Variants in CELF6 observed in about 807,000 individuals in gnomAD.
The protein encoded by CELF6 is Bruno -like 6, RNA binding protein.
A neutral mutation model predicts 53.1 loss-of-function variants in CELF6; 32 were observed. That is an observed-to-expected ratio of 0.60 (90% CI 0.46 to 0.81). CELF6 has a LOEUF of 0.81. Ranked by LOEUF, CELF6 falls within the 30% of genes least tolerant of loss-of-function variation. The probability of loss-of-function intolerance (pLI) is 0.00; values close to 1 mark genes in which losing one functional copy is unlikely to be tolerated. For synonymous variants in CELF6, 291 were observed against 288.8 expected (o/e 1.01, Z -0.08); for missense variants, 539 against 669.5 (o/e 0.81, Z 2.15).
rs1228288834 is a variant in CELF6, at chr15:72,290,242, C to T, written c.408G>A (p.Leu136=). ...ASEGRGEDRK[L]FVGMLGKQQG... Reference sequence around the variant, plus strand: ...GCTGCTTGCCCAGCATCCCCACAAACAGCTTTCGGTCCTCTGGGGACAAAG... The same window carrying T: ...GCTGCTTGCCCAGCATCCCCACAAATAGCTTTCGGTCCTCTGGGGACAAAG... The change falls in exon 4 of 13, where the codon CTG becomes CTA. Residue 136 remains leucine (L), a synonymous_variant. Coordinates refer to ENST00000287202, the MANE Select transcript of CELF6 (RefSeq NM_052840.5). 4 of 1,613,332 alleles carry T rather than the reference C, an allele frequency of 2.5e-6. No individual in the cohort carries two copies. The South Asian group carries it at 3.3e-5, about 13-fold the overall frequency.
chr15:72,289,280 G>A lies in CELF6; in HGVS notation c.888C>T (p.Asn296=), dbSNP rs1193986297. Reference sequence around the variant, plus strand: ...TGCCAGGGCCGCTGCCAGGCGGGGAGTTGGCTGCTGATGGCGGAAAAGGTC... The same window carrying A: ...TGCCAGGGCCGCTGCCAGGCGGGGAATTGGCTGCTGATGGCGGAAAAGGTC... ...AAPLLPAAAA[N]SPPGSGPGTL... is the part of the protein sequence containing the mutation. Residue 296 remains asparagine (N), a synonymous_variant, in exon 8 of 13, where the codon AAC becomes AAT. Coordinates refer to ENST00000287202, the MANE Select transcript of CELF6 (RefSeq NM_052840.5). This position sits in a 1 kb window ranked among gnomAD's most constrained non-coding sequence, Gnocchi z 7.6. 9 of 1,572,700 alleles carry A rather than the reference G, an allele frequency of 5.7e-6. No homozygotes were observed. Among genetic ancestry groups the A allele is most frequent in the Non-Finnish European group, 7.7e-6 (9 of 1,164,636 alleles).
Position 72,288,297 on chromosome 15 carries a change from T to A in CELF6, c.1318+11A>T, listed in dbSNP as rs1309412070. ...AGGTGGGAGAGGCCTAGGGGTAGGT[T>A]CTCAGCTCACCAAAACACTTGCTCT... On this transcript the variant is annotated intron_variant, in intron 11 of 12. Coordinates refer to ENST00000287202, the MANE Select transcript of CELF6 (RefSeq NM_052840.5). This position sits in a 1 kb window ranked among gnomAD's most constrained non-coding sequence, Gnocchi z 4.6. 2 of 1,614,062 alleles carry A rather than the reference T, an allele frequency of 1.2e-6. No homozygotes were observed. Among genetic ancestry groups the A allele is most frequent in the Non-Finnish European group, 1.7e-6 (2 of 1,179,998 alleles).
chr15:72,289,970 A>G lies in CELF6; in HGVS notation c.572T>C (p.Ile191Thr). 1 of 1,584,490 alleles carries G rather than the reference A, an allele frequency of 6.3e-7. No homozygotes were observed. Residue 191 changes from isoleucine to threonine, a missense_variant, in exon 5 of 13, where the codon ATC becomes ACC. By Grantham distance (89) the Ile-to-Thr change is moderately conservative. This residue lies in a region of CELF6 where 358 missense variants were observed against 412.8 expected (regional missense o/e 0.87). Transcript: ENST00000287202. This position sits in a 1 kb window ranked among gnomAD's most constrained non-coding sequence, Gnocchi z 7.6. ...GGTCCGGCTGCCGTGCAGACCCCGGATGGCCGCCTGAGCTTCCCCTTGACT... is the reference window on the plus strand; with the variant it reads ...GGTCCGGCTGCCGTGCAGACCCCGGGTGGCCGCCTGAGCTTCCCCTTGACT... ...FGSQGEAQAA[I>T]RGLHGSRTMA...
chr15:72,290,191 C>A lies in CELF6; in HGVS notation c.459G>T (p.Leu153=). 6.2e-7 allele frequency: 1 copy of A among 1,613,972 alleles called. No homozygotes were observed. Among genetic ancestry groups the A allele is most frequent in the Non-Finnish European group, 8.5e-7 (1 of 1,179,982 alleles). The part of the protein sequence containing the change: ...KQQGEEDVRR[L]FQPFGHIEEC... ...CCTCGATGTGGCCAAAGGGCTGGAA[C>A]AGGCGTCTGACGTCCTCCTCACCCT... The change falls in exon 4 of 13, where the codon CTG becomes CTT. Residue 153 remains leucine, a synonymous_variant. Transcript: ENST00000287202.
rs372986512 is a variant in CELF6 at position 72,291,416 on chromosome 15, GAGA to G, written c.395-1164_395-1162del. 3.9e-3 allele frequency among the ~76,000 whole-genome samples: 594 copies of G among 152,328 alleles called. 4 individuals carry two copies. The highest frequency in any genetic ancestry group is 5.9e-3 in the Non-Finnish European group (402 of 68,022). ...ATGTAGGGGACAATACAAGTTGGGA[GAGA>G]AGGAGTGGGTAGGAAACTGGTTTCA... On this transcript the variant is annotated intron_variant, in intron 3 of 12. Transcript: ENST00000287202.
At chr15:72,293,893 C>T (rs188057481) in intron 3 of CELF6, among the ~76,000 whole-genome samples, 37 of 152,142 alleles carry the variant, frequency 2.4e-4, no homozygotes, top group Non-Finnish European at 5.0e-4. Flanking sequence ...AGGGTTTCAC[C>T]GTGTTGGCCA....
chr15:72,317,074 G>C (rs2088372382), intron 1 of CELF6, among the ~76,000 whole-genome samples: 1 of 152,212 alleles, frequency 6.6e-6, no homozygotes, highest in Middle Eastern at 3.2e-3. Context: ...AAATGGATAG[G>C]TTAGTGTGGC....
At chr15:72,292,490 G>A (rs1302407805) in intron 3 of CELF6, among the ~76,000 whole-genome samples, 1 of 152,224 alleles carries the variant, frequency 6.6e-6, no homozygotes, top group Non-Finnish European at 1.5e-5. Flanking sequence ...TAGTGGAGCT[G>A]TGTCATTGGG....
chr15:72,312,241 G>C (rs2912222), intron 2 of CELF6, among the ~76,000 whole-genome samples: 4 of 152,212 alleles, frequency 2.6e-5, no homozygotes, highest in African/African-American at 9.6e-5. Flanking sequence ...AGGAGTTCTC[G>C]AATAGGGAGG....
chr15:72,290,918 G>A (rs1289893959), intron 3 of CELF6, among the ~76,000 whole-genome samples: 2 of 152,074 alleles, frequency 1.3e-5, no homozygotes, highest in Non-Finnish European at 2.9e-5. Context: ...TTGGTTTCCT[G>A]AGCCTCCAAC....
chr15:72,287,968 G>T (rs2087944265), intron 11 of CELF6, among the ~76,000 whole-genome samples: 1 of 152,060 alleles, frequency 6.6e-6, no homozygotes, highest in Non-Finnish European at 1.5e-5. Context: ...CTCCTGAGTA[G>T]CTGGGATTAC....
At chr15:72,296,634 G>A (rs1196819368) in intron 3 of CELF6, among the ~76,000 whole-genome samples, 1 of 152,196 alleles carries the variant, frequency 6.6e-6, no homozygotes, top group African/African-American at 2.4e-5. Flanking sequence ...AATGGGCAAA[G>A]GATTTGTATA....
intron 3 of CELF6, among the ~76,000 whole-genome samples, chr15:72,304,089 T>C (rs2088193153): frequency 6.6e-6 from 1 of 152,094 alleles, no homozygotes; most frequent in Non-Finnish European, 1.5e-5. Flanking sequence ...CAGGCTGGTC[T>C]CGAACTCTTG....
Position 72,319,841 on chromosome 15 carries a change from C to A in CELF6, c.34G>T (p.Ala12Ser). The change falls in exon 1 of 13, where the codon GCT becomes TCT. Residue 12 changes from alanine (A) to serine (S), a missense_variant. By Grantham distance (99) the Ala-to-Ser change is moderately conservative. Transcript: ENST00000287202. This position sits in a 1 kb window ranked among gnomAD's most constrained non-coding sequence, Gnocchi z 5.0. ...AAAPGGSAQP[A>S]GPGPRLGFST... ...AAACCCAGGCGCGGGCCGGGGCCAG[C>A]GGGCTGCGCTGACCCTCCCGGCGCC... 6.5e-7 allele frequency: 1 copy of A among 1,542,518 alleles called. No individual in the cohort carries two copies. The highest frequency in any genetic ancestry group is 8.8e-7 in the Non-Finnish European group (1 of 1,142,836).
intron 2 of CELF6, among the ~76,000 whole-genome samples, chr15:72,312,931 G>A (rs1342728043): frequency 6.6e-6 from 1 of 152,210 alleles, no homozygotes. Context: ...CATTGCTGGG[G>A]CTGGCCAACA....
Position 72,319,761 on chromosome 15 carries a change from T to C in CELF6, c.114A>G (p.Val38=). ...GMSGLNPGPA[V]PMKDHDAIKL... is the part of the protein sequence containing the mutation. The stretch of plus-strand genomic sequence containing the variant: ...TGATGGCGTCGTGGTCCTTCATGGG[T>C]ACGGCGGGACCGGGGTTTAGCCCGC... The change falls in exon 1 of 13, where the codon GTA becomes GTG. Residue 38 remains valine, a synonymous_variant. Coordinates refer to ENST00000287202, the MANE Select transcript of CELF6 (RefSeq NM_052840.5). This position sits in a 1 kb window ranked among gnomAD's most constrained non-coding sequence, Gnocchi z 5.0. 1 of 1,591,438 alleles carries C rather than the reference T, an allele frequency of 6.3e-7. No individual in the cohort carries two copies. Among genetic ancestry groups the C allele is most frequent in the Non-Finnish European group, 8.6e-7 (1 of 1,168,158 alleles).
intron 3 of CELF6, among the ~76,000 whole-genome samples, chr15:72,291,178 C>T (rs1034359432): frequency 4.6e-5 from 7 of 152,130 alleles, no homozygotes; most frequent in Admixed American, 3.3e-4. Context: ...ATGGGAGTGG[C>T]AGAAATGCAG....
chr15:72,287,838 CTTTT>C (rs546834252), intron 11 of CELF6, among the ~76,000 whole-genome samples: 1 of 142,028 alleles, frequency 7.0e-6, no homozygotes. Flanking sequence ...AAAGCTCGTT[CTTTT>C]TTTTTTTTTT....
chr15:72,309,151 G>A (rs1423186416), intron 2 of CELF6, among the ~76,000 whole-genome samples: 2 of 152,168 alleles, frequency 1.3e-5, no homozygotes, highest in Non-Finnish European at 2.9e-5. Context: ...GGGCTCAAGC[G>A]ATCCTTGGAC....
Sources: gnomAD v4.1 joint callset for allele counts (sites outside exome capture counted in the v4.1 genomes callset) on GRCh38, gnomAD v4.1.1 for gene constraint, gnomAD v4.1.1 regional missense constraint, Gnocchi (gnomAD v3.1) non-coding constraint, MANE v1.5 for transcripts, NCBI Gene and HGNC (gene_info 2026-07-23, HGNC 2026-07-21) for gene names.